The following CTNNA2 variants were observed in gnomAD, a reference collection of about 807,000 sequenced individuals.
CTNNA2 encodes the protein catenin alpha 2.
A neutral mutation model predicts 101.0 loss-of-function variants in CTNNA2; 42 were observed. The ratio of observed to expected loss-of-function variants is 0.42; its 90% confidence interval spans 0.32 to 0.54. The LOEUF (loss-of-function observed/expected upper bound fraction) is 0.54. Ranked by LOEUF, CTNNA2 falls within the 20% of genes least tolerant of loss-of-function variation. The pLI is 0.14. For synonymous variants in CTNNA2, 450 were observed against 456.4 expected (o/e 0.99, Z 0.18); for missense variants, 871 against 1,223.1 (o/e 0.71, Z 4.29).
intron 9 of CTNNA2, among the ~76,000 whole-genome samples, chr2:80,430,612 G>A (rs536713818): frequency 5.3e-5 from 8 of 152,076 alleles, no homozygotes; most frequent in Admixed American, 1.3e-4. Flanking sequence ...CAGCATACTG[G>A]TAATATTGCT....
At chr2:79,680,158 G>T (rs71424890) in intron 2 of CTNNA2, among the ~76,000 whole-genome samples, 15,273 of 151,700 alleles carry the variant, frequency 0.1, 951 homozygotes, top group Non-Finnish European at 0.14. Flanking sequence ...TTTTGGTTTT[G>T]GTGTTGTTTT....
At chr2:80,239,705 A>G (rs1709741534) in intron 7 of CTNNA2, among the ~76,000 whole-genome samples, 1 of 152,134 alleles carries the variant, frequency 6.6e-6, no homozygotes, top group Non-Finnish European at 1.5e-5. Context: ...TGAGGTCAGG[A>G]GTTCGAGACC....
At chr2:79,401,725 A>G (rs1678292265) in intron 4 of CTNNA2, among the ~76,000 whole-genome samples, 1 of 151,780 alleles carries the variant, frequency 6.6e-6, no homozygotes, top group Non-Finnish European at 1.5e-5. Context: ...AGCCATATAA[A>G]GCAAGTAAAA....
chr2:80,639,535 G>GTGTGTGTGTGTGTGTGTC (rs1224617726), intron 18 of CTNNA2, among the ~76,000 whole-genome samples: 7 of 151,800 alleles, frequency 4.6e-5, no homozygotes, highest in African/African-American at 1.5e-4. Context: ...GTGTGTGTGT[G>GTGTGTGTGTGTGTGTGTC]TGTGTCTGTG....
At chr2:79,370,872 G>A (rs552955749) in intron 3 of CTNNA2, among the ~76,000 whole-genome samples, 249 of 152,266 alleles carry the variant, frequency 1.6e-3, no homozygotes, top group African/African-American at 5.7e-3. Flanking sequence ...CTGGTGGGAA[G>A]GCAGCAATCA....
intron 7 of CTNNA2, among the ~76,000 whole-genome samples, chr2:80,081,865 GC>G (rs1310073083): frequency 6.6e-6 from 1 of 151,764 alleles, no homozygotes; most frequent in Non-Finnish European, 1.5e-5. Flanking sequence ...ACTTTTATTA[GC>G]TGAGGAAATA....
At chr2:80,575,380 T>C (rs1035830333) in intron 13 of CTNNA2, 7 of 152,170 alleles carry the variant, frequency 4.6e-5, no homozygotes, top group Non-Finnish European at 7.3e-5. Flanking sequence ...TATGGTGTTT[T>C]GTTTGGCACG....
chr2:79,280,133 C>A (rs762212996), intron 2 of CTNNA2, among the ~76,000 whole-genome samples: 1 of 152,100 alleles, frequency 6.6e-6, no homozygotes, highest in Non-Finnish European at 1.5e-5. Flanking sequence ...GTCAATTTGT[C>A]AAGGGATACG....
chr2:79,992,932 ATGTAGAAG>A (rs1692283985), intron 7 of CTNNA2, among the ~76,000 whole-genome samples: 1 of 152,212 alleles, frequency 6.6e-6, no homozygotes, highest in African/African-American at 2.4e-5. Flanking sequence ...ATCTGGTGAC[ATGTAGAAG>A]TGTCCTGGCT....
intron 9 of CTNNA2, among the ~76,000 whole-genome samples, chr2:80,452,925 CAG>C (rs1212213429): frequency 6.6e-6 from 1 of 152,040 alleles, no homozygotes; most frequent in Non-Finnish European, 1.5e-5. Flanking sequence ...GCAAAAATTT[CAG>C]AGTTAGTTGG....
intron 4 of CTNNA2, among the ~76,000 whole-genome samples, chr2:79,486,524 A>G (rs190993403): frequency 2.6e-5 from 4 of 152,234 alleles, no homozygotes; most frequent in African/African-American, 9.6e-5. Context: ...GAATGGTGCC[A>G]CAATAAACAT....
At chr2:80,235,711 CA>C (rs1709514559) in intron 7 of CTNNA2, among the ~76,000 whole-genome samples, 1 of 152,192 alleles carries the variant, frequency 6.6e-6, no homozygotes. Flanking sequence ...AGTGAAGAAT[CA>C]AGTACCTGGT....
rs577977035 is a variant in CTNNA2, at chr2:79,662,566, A to G, written c.102+10908A>G. ...ATCTGAACTGGAGACCAAAAAATCCATTACACCAAGCAGGAAAATGCCTAC... is the reference window on the plus strand; with the variant it reads ...ATCTGAACTGGAGACCAAAAAATCCGTTACACCAAGCAGGAAAATGCCTAC... On this transcript the variant is annotated intron_variant, in intron 2 of 18. Coordinates refer to ENST00000402739, the MANE Select transcript of CTNNA2 (RefSeq NM_001282597.3). Among the ~76,000 whole-genome samples, 4 of 152,252 alleles carry G rather than the reference A, an allele frequency of 2.6e-5. No homozygotes were observed. The South Asian group carries it at 8.3e-4, about 32-fold the overall frequency.
chr2:79,683,155 C>G (rs1216558997), intron 2 of CTNNA2, among the ~76,000 whole-genome samples: 2 of 152,174 alleles, frequency 1.3e-5, no homozygotes, highest in African/African-American at 2.4e-5. Flanking sequence ...GAGTCTACCT[C>G]TCTGCCTGCT....
At chr2:80,516,093 T>C (rs1165797375) in intron 9 of CTNNA2, among the ~76,000 whole-genome samples, 1 of 152,132 alleles carries the variant, frequency 6.6e-6, no homozygotes, top group African/African-American at 2.4e-5. Context: ...GCAGAACATA[T>C]CTCCCTGAGG....
chr2:80,406,935 C>T (rs1190764040), intron 8 of CTNNA2, among the ~76,000 whole-genome samples: 2 of 151,462 alleles, frequency 1.3e-5, no homozygotes, highest in East Asian at 3.9e-4. Context: ...TGGGTGCATT[C>T]TCTATGTGTT....
chr2:80,503,094 G>A (rs1328236850), intron 9 of CTNNA2, among the ~76,000 whole-genome samples: 1 of 152,058 alleles, frequency 6.6e-6, no homozygotes, highest in Admixed American at 6.6e-5. Context: ...GATTGCTTGA[G>A]TCTGGGAGGT....
At chr2:80,429,336 A>T (rs1681277493) in intron 9 of CTNNA2, among the ~76,000 whole-genome samples, 1 of 152,228 alleles carries the variant, frequency 6.6e-6, no homozygotes, top group Non-Finnish European at 1.5e-5. Context: ...TTCAAATTAC[A>T]GATGAGAAAC....
intron 7 of CTNNA2, among the ~76,000 whole-genome samples, chr2:80,218,520 G>C (rs1281593878): frequency 6.6e-6 from 1 of 152,244 alleles, no homozygotes; most frequent in African/African-American, 2.4e-5. Flanking sequence ...GTAGTTAAGA[G>C]CAAGGGCTCT....
Sources: allele counts gnomAD v4.1 joint callset (sites outside exome capture counted in the v4.1 genomes callset), GRCh38; gene constraint gnomAD v4.1.1; transcripts MANE v1.5; gene names NCBI Gene and HGNC (gene_info 2026-07-23, HGNC 2026-07-21).